POLR3H: variants seen among roughly 807,000 people sequenced by gnomAD.
POLR3H encodes DNA-directed RNA polymerase III subunit RPC8.
Under a neutral mutation model 25.5 loss-of-function variants are expected in POLR3H, and 17 were observed. The observed-to-expected ratio is 0.67, with a 90% CI of 0.46 to 1.00. The LOEUF is 1.00. POLR3H is among the 50% of genes least tolerant of loss of function. The probability of loss-of-function intolerance (pLI) is 0.00; values close to 1 mark genes in which losing one functional copy is unlikely to be tolerated. For synonymous variants in POLR3H, 129 were observed against 103.0 expected (o/e 1.25, Z -1.53); for missense variants, 274 against 265.0 (o/e 1.03, Z -0.24).
At chr22:41,531,947 C>G in intron 4 of POLR3H, 147 bp downstream of exon 4, 1 of 662,612 alleles carries the variant, frequency 1.5e-6, no homozygotes, top group Non-Finnish European at 2.7e-6. Context: ...AGGCTGGTGC[C>G]TCTGGAGCAA....
chr22:41,541,769 C>T (rs2066932801), intron 1 of POLR3H, among the ~76,000 whole-genome samples: 1 of 152,224 alleles, frequency 6.6e-6, no homozygotes, highest in South Asian at 2.1e-4. Context: ...CCAACAGACC[C>T]TCATCTTCAA....
chr22:41,534,943 G>A (rs894100047), intron 2 of POLR3H, among the ~76,000 whole-genome samples: 1 of 151,210 alleles, frequency 6.6e-6, no homozygotes, highest in Admixed American at 6.6e-5. Flanking sequence ...TGATGGCTTA[G>A]CTGATGAGGG....
intron 2 of POLR3H, chr22:41,533,451 T>C (rs1163350592): frequency 9.0e-7 from 1 of 1,106,608 alleles, no homozygotes; most frequent in Admixed American, 3.9e-5. Context: ...GATAAGGCAG[T>C]GGCTCAGAGC....
intron 3 of POLR3H, 55 bp from the exon 4 acceptor site, chr22:41,532,212 A>C (rs1315574109): frequency 6.5e-7 from 1 of 1,542,482 alleles, no homozygotes; most frequent in African/African-American, 1.4e-5. Context: ...TGGACGCCAA[A>C]CACTGCGGGG....
At chr22:41,536,303 G>A (rs931074951) in intron 2 of POLR3H, among the ~76,000 whole-genome samples, 1 of 150,912 alleles carries the variant, frequency 6.6e-6, no homozygotes. Context: ...GCTGAGGCAG[G>A]AGAATGGCGT....
intron 5 of POLR3H, among the ~76,000 whole-genome samples, chr22:41,529,907 C>T (rs1182369763): frequency 6.6e-6 from 1 of 151,698 alleles, no homozygotes; most frequent in Non-Finnish European, 1.5e-5. Flanking sequence ...AGGCGCCCGC[C>T]ACCACACCCG....
intron 3 of POLR3H, among the ~76,000 whole-genome samples, chr22:41,532,384 C>T (rs556307280): frequency 6.6e-6 from 1 of 152,248 alleles, no homozygotes; most frequent in Admixed American, 6.5e-5. Context: ...AACCTCTGCA[C>T]ACAACAGGGG....
At chr22:41,532,839 G>T in intron 2 of POLR3H, 94 bp from the exon 3 acceptor site, 1 of 1,382,924 alleles carries the variant, frequency 7.2e-7, no homozygotes, top group Non-Finnish European at 1.0e-6. Flanking sequence ...GGGCCTGTGT[G>T]GCTGCTCCAT....
At position 41,528,887 on chromosome 22, in the gene POLR3H, G is replaced by A; in HGVS notation, c.*396C>T. ...TTTGATGACAAGACTCCCATCTAAAGTTTTTCTCCTGCCTGATCATTTCAT... is the reference window on the plus strand; with the variant it reads ...TTTGATGACAAGACTCCCATCTAAAATTTTTCTCCTGCCTGATCATTTCAT... On this transcript the variant is annotated 3_prime_UTR_variant, in exon 6 of 6. Coordinates refer to ENST00000355209, the MANE Select transcript of POLR3H (RefSeq NM_001018050.4). 5.7e-6 allele frequency: 3 copies of A among 527,752 alleles called. No homozygotes were observed. Among genetic ancestry groups the A allele is most frequent in the Non-Finnish European group, 6.7e-6 (2 of 299,708 alleles). The allele number at this position is 527,752 out of a possible 1,614,324, so 32.7% of individuals were successfully genotyped here. A position where few individuals can be genotyped will look rare whatever the true frequency, so the allele number is the denominator to read the frequency against.
chr22:41,536,147 C>G (rs546810696), intron 2 of POLR3H, among the ~76,000 whole-genome samples: 338 of 151,524 alleles, frequency 2.2e-3, no homozygotes, highest in African/African-American at 7.7e-3. Flanking sequence ...AATCCCAGCA[C>G]TTTGGGAGCC....
At chr22:41,531,968 G>T in intron 4 of POLR3H, 126 bp downstream of exon 4, 1 of 787,348 alleles carries the variant, frequency 1.3e-6, no homozygotes, top group Non-Finnish European at 2.2e-6. Context: ...AAGCACAGGC[G>T]AGGGGCAGGC....
chr22:41,529,523 G>A (rs2066679239), intron 5 of POLR3H, 187 bp from the exon 6 acceptor site: 3 of 663,076 alleles, frequency 4.5e-6, no homozygotes, highest in South Asian at 1.6e-5. Flanking sequence ...CACGCAGGGC[G>A]CAGACCCTTC....
chr22:41,529,172 T>C lies in POLR3H; in HGVS notation c.*111A>G. On this transcript the variant is annotated 3_prime_UTR_variant, in exon 6 of 6. Coordinates refer to ENST00000355209, the MANE Select transcript of POLR3H (RefSeq NM_001018050.4). ...GTGGGCACTCCTGGCCTTGCCTCAC[T>C]GTCCAGCTCGAGACACTATCTCCTT... The C allele has an allele frequency of 4.1e-6, 4 of 964,520 alleles. No individual in the cohort carries two copies. In the South Asian group the frequency reaches 6.3e-5, roughly 15 times the overall value. The allele number at this position is 964,520 out of a possible 1,614,324, so 59.7% of individuals were successfully genotyped here.
rs117356078 is a variant in POLR3H, at chr22:41,541,176, G to A, written c.112-381C>T. Among the ~76,000 whole-genome samples the A allele has an allele frequency of 7.7e-4, 117 of 152,334 alleles. 2 individuals are homozygous for A. The East Asian group carries it at 0.012, about 16-fold the overall frequency. The stretch of plus-strand genomic sequence containing the variant: ...GCCCCTAGCCTTGTACCTGGCTCGT[G>A]TATTGGAAACCATCATCATCAAGGA... On this transcript the variant is annotated intron_variant, in intron 1 of 5. Transcript: ENST00000355209.
rs371194778 is a variant in POLR3H, at chr22:41,529,264, C to G, written c.*19G>C. The G allele has an allele frequency of 9.3e-5, 149 of 1,609,294 alleles. No homozygotes were observed. Among genetic ancestry groups the G allele is most frequent in the Non-Finnish European group, 1.2e-4 (143 of 1,177,112 alleles). ...CCACCTTCCCGCAGGCTGGTAGGGTCCACTGTCCAGCCCCAGGGCTAGTTG... is the reference window on the plus strand; with the variant it reads ...CCACCTTCCCGCAGGCTGGTAGGGTGCACTGTCCAGCCCCAGGGCTAGTTG... On this transcript the variant is annotated 3_prime_UTR_variant, in exon 6 of 6. Transcript: ENST00000355209.
chr22:41,527,060 C>T lies in POLR3H; in HGVS notation c.*2223G>A. ...CAATGGGTGGCTTCTGTCTTCTTTG[C>T]CACTGCAAACAACCACGTGCCTCTG... On this transcript the variant is annotated 3_prime_UTR_variant, in exon 6 of 6. Transcript: ENST00000355209. 4.9e-6 allele frequency: 3 copies of T among 614,850 alleles called. No homozygotes were observed. The highest frequency in any genetic ancestry group is 5.7e-5 in the East Asian group (2 of 35,110). The allele number at this position is 614,850 out of a possible 1,614,324, so 38.1% of individuals were successfully genotyped here. A position where few individuals can be genotyped will look rare whatever the true frequency, so the allele number is the denominator to read the frequency against.
Position 41,533,615 on chromosome 22 carries a change from A to G in POLR3H, c.209-870T>C. ...ATGCCGTCAACCATTTAGTCGGCCA[A>G]CATGCCCCCCAGGACGGCAGGGACC... On this transcript the variant is annotated intron_variant, in intron 2 of 5. Transcript: ENST00000355209. 2.3e-6 allele frequency: 3 copies of G among 1,302,740 alleles called. No individual in the cohort carries two copies. The Admixed American group carries it at 6.9e-5, about 30-fold the overall frequency. 80.7% of individuals were successfully genotyped at this position (1,302,740 alleles called of 1,614,324 possible).
At chr22:41,533,581 G>A in intron 2 of POLR3H, 1 of 1,295,782 alleles carries the variant, frequency 7.7e-7, no homozygotes, top group Middle Eastern at 2.6e-4. Flanking sequence ...CCAAACACAG[G>A]CTTCCACGAT....
rs569922837 is a variant in POLR3H, at chr22:41,535,083, C to A, written c.209-2338G>T. Among the ~76,000 whole-genome samples, 15 of 152,266 alleles carry A rather than the reference C, an allele frequency of 9.9e-5. No homozygotes were observed. The East Asian group carries it at 2.9e-3, about 29-fold the overall frequency. On this transcript the variant is annotated intron_variant, in intron 2 of 5. Coordinates refer to ENST00000355209, the MANE Select transcript of POLR3H (RefSeq NM_001018050.4). ...TATAGTTCCTCCAAACTGGAACTTG[C>A]ATCTAGAATTTTTAACAGATTCAAC...
Sources: allele counts gnomAD v4.1 joint callset (sites outside exome capture counted in the v4.1 genomes callset), GRCh38; gene constraint gnomAD v4.1.1; transcripts MANE v1.5; gene names NCBI Gene and HGNC (gene_info 2026-07-23, HGNC 2026-07-21).